TENT4A: variants seen among roughly 807,000 people sequenced by gnomAD.
TENT4A encodes terminal nucleotidyltransferase 4A.
A neutral mutation model predicts 72.8 loss-of-function variants in TENT4A; 7 were observed. That is an observed-to-expected ratio of 0.10 (90% CI 0.05 to 0.18). TENT4A has a LOEUF of 0.18. Among genes scored for constraint, TENT4A ranks in the 10% least tolerant of loss-of-function variants. The pLI is 1.00. For missense variants in TENT4A, 831 were observed against 1,017.7 expected, an observed-to-expected ratio of 0.82 and a Z score of 2.50; for synonymous variants, 456 against 434.3, an observed-to-expected ratio of 1.05 and a Z score of -0.62.
chr5:6,756,365 G>C lies in TENT4A; in HGVS notation c.*1420G>C, dbSNP rs1742700697. 6.6e-6 allele frequency: 1 copy of C among 152,590 alleles called. No individual in the cohort carries two copies. Among genetic ancestry groups the C allele is most frequent in the Non-Finnish European group, 1.5e-5 (1 of 68,034 alleles). 9.5% of individuals were successfully genotyped at this position (152,590 alleles called of 1,614,324 possible). On this transcript the variant is annotated 3_prime_UTR_variant, in exon 13 of 13. Coordinates refer to ENST00000230859, the MANE Select transcript of TENT4A (RefSeq NM_006999.6). ...GTTTTTAAAACGGGGGTCTGGTCTT[G>C]CTAAACACTACAGGTAGGTTGGTCT...
rs1257962781 is a variant in TENT4A at position 6,746,211 on chromosome 5, C to T, written c.1246-3C>T. 1.2e-6 allele frequency: 2 copies of T among 1,614,138 alleles called. No individual in the cohort carries two copies. The highest frequency in any genetic ancestry group is 2.2e-5 in the East Asian group (1 of 44,886). On this transcript the variant is annotated splice_region_variant and splice_polypyrimidine_tract_variant and intron_variant, in intron 6 of 12. Coordinates refer to ENST00000230859, the MANE Select transcript of TENT4A (RefSeq NM_006999.6). The stretch of plus-strand genomic sequence containing the variant: ...ACAAATTGTGGGTGCATTGCTTTTA[C>T]AGTTGCATCCAAGAATTGATGCCCG...
At chr5:6,730,416 C>G (rs1741151335) in intron 1 of TENT4A, among the ~76,000 whole-genome samples, 1 of 152,210 alleles carries the variant, frequency 6.6e-6, no homozygotes, top group African/African-American at 2.4e-5. Context: ...GTTAGTCGGT[C>G]TTAACCTTTT....
At chr5:6,715,934 G>C (rs1293624448) in intron 1 of TENT4A, among the ~76,000 whole-genome samples, 1 of 152,210 alleles carries the variant, frequency 6.6e-6, no homozygotes, top group Non-Finnish European at 1.5e-5. Context: ...TCTGAGAGCA[G>C]GTGGTTGGGA....
At chr5:6,730,097 C>G (rs533458074) in intron 1 of TENT4A, among the ~76,000 whole-genome samples, 4 of 29,184 alleles carry the variant, frequency 1.4e-4, no homozygotes, top group African/African-American at 3.0e-4. Context: ...GTTTCTCCGC[C>G]CCCCCCCGGA....
At position 6,750,406 on chromosome 5, in the gene TENT4A, C is replaced by T. The variant is rs201358736; in HGVS notation, c.1763C>T (p.Pro588Leu). The T allele has an allele frequency of 6.5e-5, 105 of 1,613,490 alleles. 1 individual carries two copies. In the Middle Eastern group the frequency reaches 9.9e-4, roughly 15 times the overall value. ...ACGCAGAACCGAGAGCCCGAGTCTC[C>T]CTATGGCCAGCGCTTGACTTTGTCG... ...EQTQNREPESPYGQRLTLSLS... is the reference protein window; with the variant it reads ...EQTQNREPESLYGQRLTLSLS... The change falls in exon 10 of 13, where the codon CCC becomes CTC. Residue 588 changes from proline to leucine, a missense_variant. Physicochemically the swap from Pro to Leu is moderately conservative, Grantham distance 98. This residue lies in a region of TENT4A where 332 missense variants were observed against 324.3 expected (regional missense o/e 1.02). Coordinates refer to ENST00000230859, the MANE Select transcript of TENT4A (RefSeq NM_006999.6).
intron 1 of TENT4A, among the ~76,000 whole-genome samples, chr5:6,731,294 A>C (rs1011006219): frequency 4.6e-5 from 7 of 152,186 alleles, no homozygotes; most frequent in African/African-American, 1.7e-4. Flanking sequence ...TTTCTGTCGC[A>C]TTTTACGTTG....
At chr5:6,749,477 T>A (rs1742278025) in intron 8 of TENT4A, 80 bp from the exon 9 acceptor site, 1 of 824,176 alleles carries the variant, frequency 1.2e-6, no homozygotes, top group South Asian at 1.4e-5. Context: ...GTTAGGGGTA[T>A]AAGGTAGCTG....
rs919699923 is a variant in TENT4A, at chr5:6,714,612, C to T, written c.629C>T (p.Ala210Val). Residue 210 changes from alanine (A) to valine (V), a missense_variant, in exon 1 of 13, where the codon GCT (alanine) becomes GTT (valine). Around this residue, in one of 3 missense-constraint regions of TENT4A, gnomAD observed 302 missense variants for 293.8 expected, o/e 1.03. Transcript: ENST00000230859. ...CTGCTGTCCGGCAGCCGCGCGGCCG[C>T]TCTCAGCGGAGGGGGCGGCCCCGGG... ...NYLLSGSRAA[A>V]LSGGGGPGAQ... 8 of 1,198,810 alleles carry T rather than the reference C, an allele frequency of 6.7e-6. No homozygotes were observed. Among genetic ancestry groups the T allele is most frequent in the Non-Finnish European group, 8.3e-6 (8 of 966,584 alleles). 74.3% of individuals were successfully genotyped at this position (1,198,810 alleles called of 1,614,324 possible).
chr5:6,749,321 A>G (rs148525651), intron 8 of TENT4A, among the ~76,000 whole-genome samples: 2 of 152,332 alleles, frequency 1.3e-5, no homozygotes, highest in East Asian at 1.9e-4. Flanking sequence ...CCGCTCCCCT[A>G]CTTGGAGCTG....
intron 3 of TENT4A, 126 bp from the exon 4 acceptor site, chr5:6,739,606 T>A (rs971559030): frequency 1.3e-5 from 14 of 1,114,302 alleles, no homozygotes; most frequent in Non-Finnish European, 1.7e-5. Context: ...GGCCATAGGC[T>A]AGTGGGATTG....
At chr5:6,718,826 G>A (rs1740511096) in intron 1 of TENT4A, among the ~76,000 whole-genome samples, 1 of 152,172 alleles carries the variant, frequency 6.6e-6, no homozygotes, top group Non-Finnish European at 1.5e-5. Flanking sequence ...CCATATGTCT[G>A]GTCACTGATA....
chr5:6,723,504 A>C (rs1194912618), intron 1 of TENT4A, among the ~76,000 whole-genome samples: 3 of 152,194 alleles, frequency 2.0e-5, no homozygotes, highest in African/African-American at 7.2e-5. Flanking sequence ...GTAGACAGAA[A>C]ACTGAAGCCT....
At chr5:6,743,558 C>T (rs1741936994) in intron 5 of TENT4A, among the ~76,000 whole-genome samples, 154 bp from the exon 6 acceptor site, 1 of 152,152 alleles carries the variant, frequency 6.6e-6, no homozygotes, top group African/African-American at 2.4e-5. Context: ...TCTTAGCGTC[C>T]CCCAACCAAA....
rs1032597259 is a variant in TENT4A, at chr5:6,737,599, A to G, written c.806A>G (p.Glu269Gly). The G allele has an allele frequency of 6.2e-7, 1 of 1,614,118 alleles. No individual in the cohort carries two copies. Among genetic ancestry groups the G allele is most frequent in the African/African-American group, 1.3e-5 (1 of 74,952 alleles). Residue 269 changes from glutamate to glycine, a missense_variant, in exon 2 of 13, where the codon GAA becomes GGA. Glu to Gly is a moderately conservative substitution (Grantham distance 98). Transcript: ENST00000230859. ...AGAAGAGAGGTGGTGAAACGGATCG[A>G]AACTGTGGTGAAAGACCTTTGGCCG... ...AMRREVVKRI[E>G]TVVKDLWPTA...
intron 1 of TENT4A, among the ~76,000 whole-genome samples, chr5:6,727,184 C>G (rs908117310): frequency 6.6e-6 from 1 of 152,198 alleles, no homozygotes; most frequent in African/African-American, 2.4e-5. Context: ...GCTGGGCTCC[C>G]TCTTCCCTTC....
intron 2 of TENT4A, 68 bp from the exon 3 acceptor site, chr5:6,738,615 A>G: frequency 4.2e-6 from 5 of 1,176,582 alleles, no homozygotes; most frequent in Non-Finnish European, 3.8e-6. Context: ...TTCTTTTAGT[A>G]AGAAATAATG....
At chr5:6,719,044 C>T (rs1740523128) in intron 1 of TENT4A, among the ~76,000 whole-genome samples, 1 of 151,376 alleles carries the variant, frequency 6.6e-6, no homozygotes, top group African/African-American at 2.4e-5. Flanking sequence ...TGTCTTGCTG[C>T]TGTGAGCGTG....
At chr5:6,735,122 G>A (rs1420352972) in intron 1 of TENT4A, among the ~76,000 whole-genome samples, 1 of 152,200 alleles carries the variant, frequency 6.6e-6, no homozygotes, top group African/African-American at 2.4e-5. Flanking sequence ...AAATTGGAAT[G>A]CCCTGTTTAC....
At position 6,738,262 on chromosome 5, in the gene TENT4A, C is replaced by T. The variant is rs28363348; in HGVS notation, c.841-421C>T. On this transcript the variant is annotated intron_variant, in intron 2 of 12. Transcript: ENST00000230859. ...GCCCCAGCTGTGAGGGGCATGTGTG[C>T]TCTTGGTGGGCAAGGGCAACCCAGT... Among the ~76,000 whole-genome samples the T allele has an allele frequency of 2.0e-3, 309 of 152,210 alleles. 3 individuals are homozygous for T. In the East Asian group the frequency reaches 0.033, roughly 16 times the overall value.
Sources: allele counts gnomAD v4.1 joint callset (sites outside exome capture counted in the v4.1 genomes callset), GRCh38; gene constraint gnomAD v4.1.1; regional missense constraint gnomAD v4.1.1; transcripts MANE v1.5; gene names NCBI Gene and HGNC (gene_info 2026-07-23, HGNC 2026-07-21).